Variants in DLC1 observed in about 807,000 individuals in gnomAD.
The protein encoded by DLC1 is DLC1 Rho GTPase activating protein, also known as rho GTPase-activating protein 7.
In DLC1, 54 loss-of-function variants were observed where a neutral mutation model predicts 140.3. The ratio of observed to expected loss-of-function variants is 0.38; its 90% confidence interval spans 0.31 to 0.48. The LOEUF (loss-of-function observed/expected upper bound fraction) is 0.48. DLC1 is among the 20% of genes least tolerant of loss of function. The pLI is 0.96. For missense variants in DLC1, 2,536 were observed against 1,907.0 expected (o/e 1.33, Z -6.14); for synonymous variants, 986 against 728.1 (o/e 1.35, Z -5.70).
intron 5 of DLC1, among the ~76,000 whole-genome samples, chr8:13,150,916 T>A (rs2128977256): frequency 6.6e-6 from 1 of 152,362 alleles, no homozygotes; most frequent in South Asian, 2.1e-4. Context: ...GAAGCTCAGA[T>A]GTTTTAAAGA....
chr8:13,413,025 GC>G (rs1837859775), intron 2 of DLC1, among the ~76,000 whole-genome samples: 1 of 151,418 alleles, frequency 6.6e-6, no homozygotes, highest in Non-Finnish European at 1.5e-5. Context: ...TTGCCTATCA[GC>G]CCCCACTCAG....
rs1429012885 is a variant in DLC1 at position 13,566,975 on chromosome 8, G to T, written c.-126+37562C>A. ...ACCTGGGCAAAGGAGATGAGGAGCC[G>T]AGCCTGATGCATTGTGATGGCCATC... On this transcript the variant is annotated intron_variant, in intron 1 of 1. Transcript: ENST00000631382. 6.5e-6 allele frequency: 10 copies of T among 1,529,864 alleles called. 1 individual carries two copies. The South Asian group carries it at 1.2e-4, about 19-fold the overall frequency. The allele number at this position is 1,529,864 out of a possible 1,614,324, so 94.8% of individuals were successfully genotyped here.
chr8:13,498,974 A>G (rs1801641748), intron 2 of DLC1, 75 bp downstream of exon 2: 2 of 1,486,560 alleles, frequency 1.3e-6, no homozygotes, highest in Non-Finnish European at 1.8e-6. Flanking sequence ...TTTTAATCCA[A>G]GCAAAATGAT....
intron 2 of DLC1, among the ~76,000 whole-genome samples, chr8:13,406,198 T>TTC (rs564377892): frequency 0.046 from 6,541 of 142,588 alleles, 774 homozygotes; most frequent in East Asian, 0.41. Flanking sequence ...TTTTTTTTTT[T>TTC]CAGTGGAGAC....
At chr8:13,182,312 C>T (rs1263304453) in intron 5 of DLC1, among the ~76,000 whole-genome samples, 1 of 152,010 alleles carries the variant, frequency 6.6e-6, no homozygotes, top group Non-Finnish European at 1.5e-5. Context: ...TGTGCAGAAG[C>T]TCTTTAGTTT....
intron 1 of DLC1, among the ~76,000 whole-genome samples, chr8:13,566,177 A>G (rs372084570): frequency 6.6e-6 from 1 of 152,158 alleles, no homozygotes; most frequent in African/African-American, 2.4e-5. Context: ...AAAATGCTGG[A>G]AAGAGTTTAA....
Position 13,303,711 on chromosome 8 carries a change from A to G in DLC1, c.1348+1558T>C, listed in dbSNP as rs1465701966. On this transcript the variant is annotated intron_variant, in intron 5 of 17. Coordinates refer to ENST00000276297, the MANE Select transcript of DLC1 (RefSeq NM_182643.3). ...CAGCTACTCAGGAGGCTGAGGCAGG[A>G]GAATGGCTTGAATCTGGGAGGTGGA... Among the ~76,000 whole-genome samples, 3 of 152,282 alleles carry G rather than the reference A, an allele frequency of 2.0e-5. No homozygotes were observed. In the East Asian group the frequency reaches 5.8e-4, roughly 29 times the overall value.
chr8:13,299,289 A>T (rs959438652), intron 5 of DLC1, among the ~76,000 whole-genome samples: 6 of 147,706 alleles, frequency 4.1e-5, no homozygotes, highest in South Asian at 4.3e-4. Context: ...CTAAAAATAT[A>T]AAAAAAAAAT....
chr8:13,339,251 T>C (rs1833934349), intron 4 of DLC1, among the ~76,000 whole-genome samples: 1 of 152,230 alleles, frequency 6.6e-6, no homozygotes, highest in Non-Finnish European at 1.5e-5. Context: ...GATAGAATAA[T>C]TGGCTTCCAA....
intron 2 of DLC1, among the ~76,000 whole-genome samples, chr8:13,406,146 A>T (rs1488639069): frequency 2.2e-5 from 3 of 133,344 alleles, no homozygotes; most frequent in Non-Finnish European, 4.7e-5. Context: ...AGCTGGGATT[A>T]TACGCGCCTG....
At chr8:13,248,091 C>T (rs1317214864) in intron 5 of DLC1, among the ~76,000 whole-genome samples, 1 of 152,220 alleles carries the variant, frequency 6.6e-6, no homozygotes. Flanking sequence ...TCTCAGTCCT[C>T]AGTGTGCTTT....
chr8:13,503,087 A>G (rs1258899816), intron 1 of DLC1, among the ~76,000 whole-genome samples: 1 of 152,226 alleles, frequency 6.6e-6, no homozygotes, highest in African/African-American at 2.4e-5. Context: ...TAAGAGTTTT[A>G]TAGCATACAA....
In DLC1 at chr8:13,507,212, A is replaced by G. The variant is rs548883162; in HGVS notation, c.-125-7016T>C. Among the ~76,000 whole-genome samples the G allele has an allele frequency of 9.0e-4, 137 of 152,318 alleles. 4 individuals carry two copies. In the South Asian group the frequency reaches 0.028, roughly 31 times the overall value. ...ATTGTGTACATTTGGGCGCCTTCCC[A>G]CTGGCACACAGCTCAGTGATAAATG... On this transcript the variant is annotated intron_variant, in intron 1 of 17. Coordinates refer to ENST00000276297, the MANE Select transcript of DLC1 (RefSeq NM_182643.3).
intron 4 of DLC1, among the ~76,000 whole-genome samples, chr8:13,343,088 C>T (rs1465416024): frequency 6.6e-6 from 1 of 152,156 alleles, no homozygotes; most frequent in Non-Finnish European, 1.5e-5. Flanking sequence ...TTGCTATATA[C>T]TGCTGATATT....
Position 13,098,501 on chromosome 8 carries a change from C to T in DLC1, c.3065G>A (p.Cys1022Tyr). ...CAGGTTCATCTGGGCCACAGACTGG[C>T]AGTTAATCTGTAGTGATACAGAGTT... ...SLNSVSLQIN[C>Y]QSVAQMNLLQ... The change falls in exon 10 of 18, where the codon TGC becomes TAC. Residue 1022 changes from cysteine to tyrosine, a missense_variant. Coordinates refer to ENST00000276297, the MANE Select transcript of DLC1 (RefSeq NM_182643.3). 3 of 1,614,200 alleles carry T rather than the reference C, an allele frequency of 1.9e-6. No individual in the cohort carries two copies. The South Asian group carries it at 3.3e-5, about 18-fold the overall frequency.
intron 1 of DLC1, among the ~76,000 whole-genome samples, chr8:13,564,221 T>C (rs10503457): frequency 0.22 from 33,466 of 152,110 alleles, 3,821 homozygotes; most frequent in East Asian, 0.29. Context: ...AAGATGGAGA[T>C]AATTGTGAGG....
intron 5 of DLC1, among the ~76,000 whole-genome samples, chr8:13,201,921 GTTTTTTTTT>G (rs35475930): frequency 9.8e-6 from 1 of 101,804 alleles, no homozygotes; most frequent in African/African-American, 3.6e-5. Flanking sequence ...TACCCAAAAG[GTTTTTTTTT>G]TTTTTTTTTT....
chr8:13,098,090 T>A (rs1297720942), intron 10 of DLC1, among the ~76,000 whole-genome samples: 1 of 139,856 alleles, frequency 7.2e-6, no homozygotes, highest in East Asian at 2.2e-4. Flanking sequence ...GCAACTGTAG[T>A]CCCACCTACT....
chr8:13,532,578 TTCTCTCTC>T (rs61307108), intron 1 of DLC1, among the ~76,000 whole-genome samples: 3 of 149,762 alleles, frequency 2.0e-5, no homozygotes, highest in Admixed American at 1.3e-4. Flanking sequence ...CTCTCTCTCT[TTCTCTCTC>T]TCTCTCTCTC....
Sources: gnomAD v4.1 joint callset for allele counts (sites outside exome capture counted in the v4.1 genomes callset) on GRCh38, gnomAD v4.1.1 for gene constraint, MANE v1.5 for transcripts, NCBI Gene and HGNC (gene_info 2026-07-23, HGNC 2026-07-21) for gene names.